TAMM41: variants seen among roughly 807,000 people sequenced by gnomAD.
TAMM41 encodes phosphatidate cytidylyltransferase, mitochondrial.
Under a neutral mutation model 44.1 loss-of-function variants are expected in TAMM41, and 36 were observed. The observed-to-expected ratio is 0.82, with a 90% confidence interval of 0.63 to 1.08. TAMM41 has a LOEUF of 1.08. TAMM41 is among the 50% of genes least tolerant of loss of function. TAMM41 has a pLI of 0.00. For missense variants in TAMM41, 417 were observed against 404.3 expected (o/e 1.03, Z -0.27); for synonymous variants, 164 against 153.1 (o/e 1.07, Z -0.53).
In TAMM41 at chr3:11,809,517, C is replaced by G; in HGVS notation, c.874G>C (p.Gly292Arg). The G allele has an allele frequency of 6.2e-7, 1 of 1,613,380 alleles. No individual in the cohort carries two copies. The highest frequency in any genetic ancestry group is 2.2e-5 in the East Asian group (1 of 44,874). ...CTCAACATCAAATTCATAAACGTACCTAGTCGCACCACATCTCCACAGTCG... is the reference window on the plus strand; with the variant it reads ...CTCAACATCAAATTCATAAACGTACGTAGTCGCACCACATCTCCACAGTCG... ...DPDCGDVVRLGLSAIVRPSSI... is the reference protein window; with the variant it reads ...DPDCGDVVRLRLSAIVRPSSI... Residue 292 changes from glycine (G) to arginine (R), a missense_variant and splice_region_variant, in exon 6 of 8, where the codon GGG (glycine) becomes CGG (arginine). Coordinates refer to ENST00000455809, the MANE Select transcript of TAMM41 (RefSeq NM_001284401.2).
the TAMM41 span, among the ~76,000 whole-genome samples, chr3:11,726,859 T>G: frequency 1.3e-5 from 2 of 151,322 alleles, no homozygotes; most frequent in African/African-American, 4.9e-5. Context: ...GTGAACCAGA[T>G]GTTTGCCATT....
At chr3:11,800,810 A>C (rs993134310) in intron 7 of TAMM41, among the ~76,000 whole-genome samples, 24 of 152,250 alleles carry the variant, frequency 1.6e-4, no homozygotes, top group Non-Finnish European at 1.9e-4. Context: ...AAATAGACTT[A>C]ACAGACATTT....
At chr3:11,810,024 G>A (rs758076014) in intron 5 of TAMM41, 5 of 198,792 alleles carry the variant, frequency 2.5e-5, no homozygotes, top group Non-Finnish European at 5.0e-5. Flanking sequence ...GTTGACACTC[G>A]TGGAGGCCGC....
chr3:11,740,517 A>G, the TAMM41 span, among the ~76,000 whole-genome samples: 1 of 152,046 alleles, frequency 6.6e-6, no homozygotes, highest in South Asian at 2.1e-4. Flanking sequence ...GTATATGCAT[A>G]TTTGTGCATG....
the TAMM41 span, among the ~76,000 whole-genome samples, chr3:11,763,297 C>A: frequency 1.3e-5 from 2 of 152,112 alleles, no homozygotes; most frequent in Non-Finnish European, 2.9e-5. Context: ...TGCCACCATG[C>A]CCAGTTGATT....
the TAMM41 span, among the ~76,000 whole-genome samples, chr3:11,722,323 C>T: frequency 6.6e-6 from 1 of 152,038 alleles, no homozygotes; most frequent in Non-Finnish European, 1.5e-5. Context: ...TCGTTTTAGT[C>T]TGGCTCTTTT....
At chr3:11,778,296 C>T in the TAMM41 span, among the ~76,000 whole-genome samples, 7 of 152,230 alleles carry the variant, frequency 4.6e-5, no homozygotes, top group Middle Eastern at 3.4e-3. Context: ...GCGATCACAG[C>T]TCACAGCAAA....
chr3:11,829,749 T>C lies in TAMM41; in HGVS notation c.527A>G (p.Asp176Gly), dbSNP rs2078904877. 6.2e-7 allele frequency: 1 copy of C among 1,614,096 alleles called. No homozygotes were observed. Among genetic ancestry groups the C allele is most frequent in the East Asian group, 2.2e-5 (1 of 44,886 alleles). ...GAGACCGGCAATCTCTATGAAGAGG[T>C]CTTCTTCAGAAAAGCTTTCGGGGAG... The part of the protein sequence containing the change: ...LMLPESFSEE[D>G]LFIEIAGLSY... The change falls in exon 4 of 8, where the codon GAC becomes GGC. Residue 176 changes from aspartate to glycine, a missense_variant. By Grantham distance (94) the Asp-to-Gly change is moderately conservative. Coordinates refer to ENST00000455809, the MANE Select transcript of TAMM41 (RefSeq NM_001284401.2).
At chr3:11,797,427 G>T (rs1212180778) in intron 7 of TAMM41, among the ~76,000 whole-genome samples, 2 of 152,190 alleles carry the variant, frequency 1.3e-5, no homozygotes, top group Non-Finnish European at 2.9e-5. Context: ...ATGGTGCTGG[G>T]AAAACTGGTT....
chr3:11,784,888 C>T, the TAMM41 span, among the ~76,000 whole-genome samples: 2 of 150,868 alleles, frequency 1.3e-5, no homozygotes, highest in South Asian at 2.1e-4. Context: ...CTGCAACTTC[C>T]GCCTCCCGGG....
the TAMM41 span, among the ~76,000 whole-genome samples, chr3:11,748,632 G>C: frequency 6.6e-6 from 1 of 152,118 alleles, no homozygotes; most frequent in East Asian, 1.9e-4. Context: ...GCCCCCCTCA[G>C]CCTCCCAAAG....
chr3:11,846,658 C>T lies in TAMM41; in HGVS notation c.-22G>A. On this transcript the variant is annotated 5_prime_UTR_variant, in exon 1 of 8. Transcript: ENST00000455809. ...CCATGGGGTCGAGGCTAACAGGGGA[C>T]ACTCAGCGCAGCAGGGCGAGGACAA... is the stretch of plus-strand genomic sequence containing the variant. The T allele has an allele frequency of 1.2e-6, 2 of 1,614,030 alleles. No homozygotes were observed. The highest frequency in any genetic ancestry group is 1.7e-6 in the Non-Finnish European group (2 of 1,179,956).
At chr3:11,732,998 TTGTTTGTTTGTTTG>T in the TAMM41 span, among the ~76,000 whole-genome samples, 5 of 90,884 alleles carry the variant, frequency 5.5e-5, no homozygotes, top group East Asian at 1.5e-3. Context: ...AGTTTTTTTT[TTGTTTGTTTGTTTG>T]TTTTGAGATG....
At chr3:11,814,902 C>T (rs997292038) in intron 5 of TAMM41, among the ~76,000 whole-genome samples, 4 of 151,938 alleles carry the variant, frequency 2.6e-5, no homozygotes, top group African/African-American at 2.4e-5. Flanking sequence ...AGTTTGAGGT[C>T]GCAGTGAGCT....
the TAMM41 span, among the ~76,000 whole-genome samples, chr3:11,738,991 A>G: frequency 6.6e-6 from 1 of 151,140 alleles, no homozygotes; most frequent in African/African-American, 2.4e-5. Context: ...TTCACCCATC[A>G]CTCCTGAAAG....
chr3:11,796,033 A>C (rs1395363713), intron 7 of TAMM41, among the ~76,000 whole-genome samples: 1 of 152,226 alleles, frequency 6.6e-6, no homozygotes, highest in East Asian at 1.9e-4. Context: ...GGAAAAGGAA[A>C]ACAGTGTTTG....
chr3:11,824,133 T>C (rs2078644869), intron 4 of TAMM41, among the ~76,000 whole-genome samples: 1 of 151,934 alleles, frequency 6.6e-6, no homozygotes, highest in African/African-American at 2.4e-5. Context: ...GGCCTATCCA[T>C]TGTATTTTAA....
chr3:11,830,264 T>C (rs1397877736), intron 3 of TAMM41, among the ~76,000 whole-genome samples: 1 of 152,204 alleles, frequency 6.6e-6, no homozygotes, highest in East Asian at 1.9e-4. Context: ...TCTTGGACCA[T>C]ATCTAACATA....
At chr3:11,754,708 CTTTTTTTTTTT>C in the TAMM41 span, among the ~76,000 whole-genome samples, 22 of 103,552 alleles carry the variant, frequency 2.1e-4, no homozygotes, top group African/African-American at 7.1e-4. Flanking sequence ...TCTCAGATCT[CTTTTTTTTTTT>C]TTTTTTTTTT....
Sources: allele counts gnomAD v4.1 joint callset (sites outside exome capture counted in the v4.1 genomes callset), GRCh38; gene constraint gnomAD v4.1.1; transcripts MANE v1.5; gene names NCBI Gene and HGNC (gene_info 2026-07-23, HGNC 2026-07-21).